TDRD3: variants seen among roughly 807,000 people sequenced by gnomAD.
TDRD3 encodes tudor domain-containing protein 3.
TDRD3 carries 45 observed loss-of-function variants against 86.7 expected under a neutral mutation model. The observed-to-expected ratio is 0.52, with a 90% CI of 0.41 to 0.67. The LOEUF (loss-of-function observed/expected upper bound fraction) is 0.67. Ranked by LOEUF, TDRD3 falls within the 30% of genes least tolerant of loss-of-function variation. The pLI is 0.00. For synonymous variants in TDRD3, 298 were observed against 301.7 expected (o/e 0.99, Z 0.13); for missense variants, 814 against 889.0 (o/e 0.92, Z 1.07).
intron 8 of TDRD3, among the ~76,000 whole-genome samples, chr13:60,498,734 A>G (rs781262797): frequency 2.6e-5 from 4 of 152,098 alleles, no homozygotes; most frequent in Non-Finnish European, 5.9e-5. Context: ...TCCTTCCCCA[A>G]GGAGACCTCC....
At chr13:60,463,362 C>CAAAAAAAA (rs57195209) in intron 4 of TDRD3, among the ~76,000 whole-genome samples, 1 of 81,538 alleles carries the variant, frequency 1.2e-5, no homozygotes, top group Non-Finnish European at 2.2e-5. Flanking sequence ...AATTCTGGCT[C>CAAAAAAAA]AAAAAAAAAA....
Position 60,397,298 on chromosome 13 carries a change from C to G in TDRD3, c.-67C>G, listed in dbSNP as rs1953944416. The G allele has an allele frequency of 8.4e-6, 6 of 713,418 alleles. No homozygotes were observed. Among genetic ancestry groups the G allele is most frequent in the African/African-American group, 2.0e-5 (1 of 51,046 alleles). 44.2% of individuals were successfully genotyped at this position (713,418 alleles called of 1,614,324 possible). The stretch of plus-strand genomic sequence containing the variant: ...TTTTTTTTTTTTTAAGGGGGGGGGT[C>G]TCAAGTAGGAGGCCTCCCCATCACC... On this transcript the variant is annotated 5_prime_UTR_variant, in exon 1 of 14. Transcript: ENST00000377881.
chr13:60,464,583 CAT>C (rs920383628), intron 4 of TDRD3, among the ~76,000 whole-genome samples: 4 of 151,992 alleles, frequency 2.6e-5, no homozygotes, highest in South Asian at 4.1e-4. Flanking sequence ...CACACACACA[CAT>C]ACACACACAC....
intron 8 of TDRD3, among the ~76,000 whole-genome samples, chr13:60,505,809 A>T (rs1419588560): frequency 6.6e-6 from 1 of 152,244 alleles, no homozygotes; most frequent in African/African-American, 2.4e-5. Context: ...TAATGAAATA[A>T]AGTGGAAAGA....
intron 1 of TDRD3, among the ~76,000 whole-genome samples, chr13:60,421,530 T>C (rs1954659583): frequency 6.6e-6 from 1 of 152,158 alleles, no homozygotes; most frequent in East Asian, 1.9e-4. Context: ...AGTTTGTCTA[T>C]TTGCTGAAGA....
At position 60,573,619 on chromosome 13, in the gene TDRD3, CTT is replaced by C. The variant is rs546977803; in HGVS notation, c.*15_*16del. The C allele has an allele frequency of 5.0e-4, 490 of 985,328 alleles. 1 individual carries two copies. In the African/African-American group the frequency reaches 7.9e-3, roughly 16 times the overall value. The allele number at this position is 985,328 out of a possible 1,614,324, so 61.0% of individuals were successfully genotyped here. On this transcript the variant is annotated 3_prime_UTR_variant, in exon 14 of 14. Coordinates refer to ENST00000377881, the MANE Select transcript of TDRD3 (RefSeq NM_001146070.2). ...TCTTCATTTCTTTTTAAAGTAGACT[CTT>C]TGTGAAGAAACGAGCCAGTGACTGA...
chr13:60,509,974 T>C lies in TDRD3; in HGVS notation c.1015+55T>C, dbSNP rs1267381177. The C allele has an allele frequency of 5.7e-6, 9 of 1,575,558 alleles. No homozygotes were observed. In the South Asian group the frequency reaches 8.2e-5, roughly 14 times the overall value. On this transcript the variant is annotated intron_variant, in intron 9 of 13. Transcript: ENST00000377881. Reference sequence around the variant, plus strand: ...GTATTGTTTGCTTTTCAGAGTAATATATGTTATTGACAGAGGCTGTTATTT... The same window carrying C: ...GTATTGTTTGCTTTTCAGAGTAATACATGTTATTGACAGAGGCTGTTATTT...
At chr13:60,524,508 A>G (rs1189008960) in intron 10 of TDRD3, among the ~76,000 whole-genome samples, 1 of 44,208 alleles carries the variant, frequency 2.3e-5, no homozygotes, top group African/African-American at 7.2e-5. Context: ...CTCCATCTCA[A>G]AAAAAAAAAT....
intron 8 of TDRD3, among the ~76,000 whole-genome samples, chr13:60,500,839 CA>C (rs2137600747): frequency 6.6e-6 from 1 of 152,294 alleles, no homozygotes; most frequent in South Asian, 2.1e-4. Flanking sequence ...TGGGTGACCT[CA>C]GCAGAGGAGG....
At chr13:60,496,080 A>G (rs1373306701) in intron 8 of TDRD3, among the ~76,000 whole-genome samples, 3 of 151,714 alleles carry the variant, frequency 2.0e-5, no homozygotes, top group Non-Finnish European at 2.9e-5. Flanking sequence ...ACCTGCCAGT[A>G]TGGCTACAAT....
At chr13:60,440,467 G>A (rs1338073616) in intron 2 of TDRD3, among the ~76,000 whole-genome samples, 2 of 152,070 alleles carry the variant, frequency 1.3e-5, no homozygotes, top group East Asian at 1.9e-4. Flanking sequence ...AGGATCATGA[G>A]GTCAGGAGTT....
intron 1 of TDRD3, among the ~76,000 whole-genome samples, chr13:60,398,264 A>G (rs1182379052): frequency 1.3e-5 from 2 of 152,200 alleles, no homozygotes; most frequent in East Asian, 3.8e-4. Context: ...GGCTCTCTGC[A>G]ATTACTGCTT....
chr13:60,432,547 T>A (rs1454456192), intron 1 of TDRD3, among the ~76,000 whole-genome samples: 1 of 152,136 alleles, frequency 6.6e-6, no homozygotes, highest in Non-Finnish European at 1.5e-5. Flanking sequence ...ATAAGAATAA[T>A]ATATAAAACA....
At chr13:60,547,779 T>C (rs935789569) in intron 12 of TDRD3, among the ~76,000 whole-genome samples, 1 of 152,210 alleles carries the variant, frequency 6.6e-6, no homozygotes, top group African/African-American at 2.4e-5. Flanking sequence ...ATTCTAAGAA[T>C]GTAAAACCCA....
chr13:60,505,249 T>C (rs1199041208), intron 8 of TDRD3, among the ~76,000 whole-genome samples: 4 of 152,096 alleles, frequency 2.6e-5, no homozygotes, highest in South Asian at 4.1e-4. Context: ...TTGAGCTTGG[T>C]TGGGGAGAGG....
chr13:60,404,465 T>C (rs1566166910), intron 1 of TDRD3, among the ~76,000 whole-genome samples: 1 of 148,620 alleles, frequency 6.7e-6, no homozygotes, highest in East Asian at 2.0e-4. Flanking sequence ...CGCCCGCCAC[T>C]ACGCCCGGCT....
At chr13:60,556,403 A>G (rs543660418) in intron 12 of TDRD3, among the ~76,000 whole-genome samples, 7 of 152,370 alleles carry the variant, frequency 4.6e-5, no homozygotes, top group East Asian at 3.8e-4. Context: ...TTCAGAATAT[A>G]CCAACAATAA....
intron 13 of TDRD3, among the ~76,000 whole-genome samples, chr13:60,572,690 C>T (rs572256096): frequency 6.6e-6 from 1 of 152,314 alleles, no homozygotes; most frequent in African/African-American, 2.4e-5. Context: ...CCCAGTTTCA[C>T]GTGTTAGTCA....
chr13:60,417,986 G>T (rs1198490795), intron 1 of TDRD3, among the ~76,000 whole-genome samples: 1 of 151,898 alleles, frequency 6.6e-6, no homozygotes, highest in African/African-American at 2.4e-5. Context: ...CTCCTGATTG[G>T]TCTTCTTGCT....
Sources: gnomAD v4.1 joint callset for allele counts (sites outside exome capture counted in the v4.1 genomes callset) on GRCh38, gnomAD v4.1.1 for gene constraint, MANE v1.5 for transcripts, NCBI Gene and HGNC (gene_info 2026-07-23, HGNC 2026-07-21) for gene names.